Variants in SNTA1 observed in about 807,000 individuals in gnomAD.
The protein encoded by SNTA1 is syntrophin alpha 1.
A neutral mutation model predicts 47.1 loss-of-function variants in SNTA1; 31 were observed. That is an observed-to-expected ratio of 0.66 (90% CI 0.49 to 0.89). The LOEUF (loss-of-function observed/expected upper bound fraction) is 0.89, where lower values mean the gene tolerates loss of function less well. Ranked by LOEUF, SNTA1 falls within the 40% of genes least tolerant of loss-of-function variation. The pLI, the probability that SNTA1 is intolerant of heterozygous loss-of-function variation, is 0.00. For synonymous variants in SNTA1, 300 were observed against 313.6 expected, an observed-to-expected ratio of 0.96 and a Z score of 0.46; for missense variants, 575 against 693.0, an observed-to-expected ratio of 0.83 and a Z score of 1.91.
chr20:33,442,274 T>A (rs1388340702), intron 1 of SNTA1, among the ~76,000 whole-genome samples: 8 of 152,100 alleles, frequency 5.3e-5, no homozygotes, highest in African/African-American at 1.7e-4. Flanking sequence ...CTGGAGGCAC[T>A]AGTCAACAGA....
intron 2 of SNTA1, among the ~76,000 whole-genome samples, chr20:33,435,699 C>T (rs1337080050): frequency 3.3e-5 from 5 of 152,138 alleles, no homozygotes; most frequent in Non-Finnish European, 5.9e-5. Context: ...TAGCTTCTGA[C>T]CTTAATATAC....
At chr20:33,425,328 A>G (rs1990143253) in intron 2 of SNTA1, among the ~76,000 whole-genome samples, 1 of 152,100 alleles carries the variant, frequency 6.6e-6, no homozygotes, top group Non-Finnish European at 1.5e-5. Context: ...TAAACACTGA[A>G]AGCCCTGGGG....
chr20:33,442,945 A>T (rs1310968338), intron 1 of SNTA1, among the ~76,000 whole-genome samples: 2 of 151,628 alleles, frequency 1.3e-5, no homozygotes, highest in East Asian at 3.9e-4. Flanking sequence ...TCCCTGTCCC[A>T]CTGGTGTCCC....
At position 33,408,767 on chromosome 20, in the gene SNTA1, C is replaced by G; in HGVS notation, c.1359G>C (p.Leu453=). 6.2e-7 allele frequency: 1 copy of G among 1,614,206 alleles called. No individual in the cohort carries two copies. Among genetic ancestry groups the G allele is most frequent in the Non-Finnish European group, 8.5e-7 (1 of 1,180,032 alleles). ...TGGCACCGTCATCTGAAGACATCTGCAGCTTCTCGAAGGGCTGTCGCAGGA... is the reference window on the plus strand; with the variant it reads ...TGGCACCGTCATCTGAAGACATCTGGAGCTTCTCGAAGGGCTGTCGCAGGA... ...AVLLRQPFEK[L]QMSSDDGASL... The change falls in exon 7 of 8, where the codon CTG becomes CTC. Residue 453 remains leucine (L), a synonymous_variant. Transcript: ENST00000217381.
chr20:33,410,086 GA>G (rs777066839), intron 6 of SNTA1, 48 bp downstream of exon 6: 2 of 1,584,942 alleles, frequency 1.3e-6, no homozygotes, highest in Non-Finnish European at 1.7e-6. Flanking sequence ...TGCCCCTGGG[GA>G]TAAGAGGCTT....
chr20:33,412,833 G>C, intron 3 of SNTA1, 51 bp from the exon 4 acceptor site: 2 of 1,330,568 alleles, frequency 1.5e-6, no homozygotes, highest in Non-Finnish European at 2.1e-6. Flanking sequence ...GGCTGCAGCT[G>C]CCCAACCCTG....
chr20:33,435,091 C>T (rs1342649427), intron 2 of SNTA1, among the ~76,000 whole-genome samples: 1 of 142,840 alleles, frequency 7.0e-6, no homozygotes, highest in African/African-American at 2.6e-5. Flanking sequence ...CTCCCGTGTT[C>T]AAGATTTTCC....
At chr20:33,435,384 G>A in intron 2 of SNTA1, among the ~76,000 whole-genome samples, 1 of 150,710 alleles carries the variant, frequency 6.6e-6, no homozygotes, top group East Asian at 2.0e-4. Context: ...GATCACTGAG[G>A]CCGGGAGTTC....
Position 33,417,868 on chromosome 20 carries a change from C to T in SNTA1, c.552G>A (p.Ser184=), listed in dbSNP as rs781530478. Residue 184 remains serine, a synonymous_variant, in exon 3 of 8, where the codon TCG becomes TCA. Transcript: ENST00000217381. ...PYFKNSTGGT[S]VGWDSPPASP... ...AGGCAGGAGGTGAGTCCCAGCCGAC[C>T]GAGGTCCCACCAGTAGAGTTCTTGA... 9 of 1,614,038 alleles carry T rather than the reference C, an allele frequency of 5.6e-6. No individual in the cohort carries two copies. Among genetic ancestry groups the T allele is most frequent in the Admixed American group, 5.0e-5 (3 of 59,976 alleles).
At chr20:33,415,627 CAA>C (rs113151357) in intron 3 of SNTA1, among the ~76,000 whole-genome samples, 3 of 133,604 alleles carry the variant, frequency 2.2e-5, no homozygotes, top group Admixed American at 1.5e-4. Context: ...TGCTAAAATA[CAA>C]AAAAAAAAAA....
intron 5 of SNTA1, among the ~76,000 whole-genome samples, 162 bp from the exon 6 acceptor site, chr20:33,410,493 C>T (rs1212352377): frequency 6.6e-6 from 1 of 152,246 alleles, no homozygotes; most frequent in African/African-American, 2.4e-5. Context: ...GGAGACATCT[C>T]CTGCCACCCT....
chr20:33,415,648 A>G (rs145195346), intron 3 of SNTA1, among the ~76,000 whole-genome samples: 27 of 151,808 alleles, frequency 1.8e-4, no homozygotes, highest in African/African-American at 6.3e-4. Context: ...AAAATTAGTC[A>G]GGCATGGCGG....
intron 2 of SNTA1, among the ~76,000 whole-genome samples, chr20:33,436,302 C>T (rs763373725): frequency 6.6e-6 from 1 of 152,140 alleles, no homozygotes; most frequent in Non-Finnish European, 1.5e-5. Flanking sequence ...ATAGACTAAA[C>T]TTTCAAACAA....
chr20:33,433,028 C>A (rs760257074), intron 2 of SNTA1, among the ~76,000 whole-genome samples: 5 of 152,058 alleles, frequency 3.3e-5, no homozygotes, highest in Non-Finnish European at 5.9e-5. Flanking sequence ...CTCCTGGGTT[C>A]AAGTGATTCT....
chr20:33,429,223 G>A (rs1294113490), intron 2 of SNTA1, among the ~76,000 whole-genome samples: 2 of 149,734 alleles, frequency 1.3e-5, no homozygotes, highest in Non-Finnish European at 3.0e-5. Flanking sequence ...TGTGATCCCA[G>A]CTACTTGAGA....
chr20:33,409,995 A>T, intron 6 of SNTA1, 140 bp downstream of exon 6: 1 of 812,304 alleles, frequency 1.2e-6, no homozygotes, highest in Non-Finnish European at 2.1e-6. Flanking sequence ...CAAACTTCTG[A>T]CCTCAGGTGA....
chr20:33,423,585 C>A (rs1223681906), intron 2 of SNTA1, among the ~76,000 whole-genome samples: 1 of 152,178 alleles, frequency 6.6e-6, no homozygotes, highest in Non-Finnish European at 1.5e-5. Flanking sequence ...TTCCAGGGAG[C>A]TCCAGCTCTG....
chr20:33,442,431 A>C (rs1164309695), intron 1 of SNTA1, among the ~76,000 whole-genome samples: 2 of 152,154 alleles, frequency 1.3e-5, no homozygotes, highest in Non-Finnish European at 1.5e-5. Context: ...GGGGTGTGCA[A>C]GGATTTTAAC....
intron 2 of SNTA1, among the ~76,000 whole-genome samples, chr20:33,421,186 G>T (rs1292531834): frequency 6.8e-6 from 1 of 147,650 alleles, no homozygotes; most frequent in African/African-American, 2.5e-5. Flanking sequence ...AAAAAAAAAA[G>T]AGAAAGAAAG....
Sources: allele counts gnomAD v4.1 joint callset (sites outside exome capture counted in the v4.1 genomes callset), GRCh38; gene constraint gnomAD v4.1.1; transcripts MANE v1.5; gene names NCBI Gene and HGNC (gene_info 2026-07-23, HGNC 2026-07-21).